Variants in PTGR2 observed in about 807,000 individuals in gnomAD.
PTGR2 encodes the protein 15-oxoprostaglandin 13-reductase.
PTGR2 carries 32 observed loss-of-function variants against 43.4 expected under a neutral mutation model. That is an observed-to-expected ratio of 0.74 (90% CI 0.56 to 0.99). The LOEUF is 0.99. Among genes scored for constraint, PTGR2 ranks in the 50% least tolerant of loss-of-function variants. The probability of loss-of-function intolerance (pLI) is 0.00; values close to 1 mark genes in which losing one functional copy is unlikely to be tolerated. For synonymous variants in PTGR2, 106 were observed against 139.2 expected (o/e 0.76, Z 1.68); for missense variants, 373 against 420.0 (o/e 0.89, Z 0.98).
chr14:73,868,390 T>C (rs1054991535), intron 3 of PTGR2, among the ~76,000 whole-genome samples: 2 of 152,194 alleles, frequency 1.3e-5, no homozygotes, highest in Non-Finnish European at 2.9e-5. Context: ...TGTCTGTCTT[T>C]TGTAACACAT....
At chr14:73,876,356 G>T (rs1254248876) in intron 4 of PTGR2, among the ~76,000 whole-genome samples, 1 of 152,044 alleles carries the variant, frequency 6.6e-6, no homozygotes, top group Admixed American at 6.6e-5. Flanking sequence ...GGAAAATTTG[G>T]TTTCTGGTGA....
At chr14:73,865,434 T>A (rs768841569) in intron 3 of PTGR2, among the ~76,000 whole-genome samples, 3 of 152,130 alleles carry the variant, frequency 2.0e-5, no homozygotes, top group African/African-American at 7.2e-5. Flanking sequence ...CCCACCCACA[T>A]TGAGGGCAGA....
intron 3 of PTGR2, among the ~76,000 whole-genome samples, chr14:73,870,479 C>G (rs2140256583): frequency 6.6e-6 from 1 of 152,182 alleles, no homozygotes; most frequent in Non-Finnish European, 1.5e-5. Flanking sequence ...CACACCAGAC[C>G]TCTTAAGCAG....
rs1247581564 is a variant in PTGR2, at chr14:73,884,521, T to C, written c.*344T>C. 3 of 154,572 alleles carry C rather than the reference T, an allele frequency of 1.9e-5. No individual in the cohort carries two copies. The highest frequency in any genetic ancestry group is 4.8e-5 in the African/African-American group (2 of 41,524). 9.6% of individuals were successfully genotyped at this position (154,572 alleles called of 1,614,324 possible). A position where few individuals can be genotyped will look rare whatever the true frequency, so the allele number is the denominator to read the frequency against. On this transcript the variant is annotated 3_prime_UTR_variant, in exon 10 of 10. Coordinates refer to ENST00000555661, the MANE Select transcript of PTGR2 (RefSeq NM_001146154.2). ...TTAAAATTAATATTAATAACTTTTA[T>C]TAATTTAAAATAGAATGCTTAAAAT...
intron 3 of PTGR2, among the ~76,000 whole-genome samples, chr14:73,871,950 T>C (rs2054744833): frequency 6.6e-6 from 1 of 152,182 alleles, no homozygotes; most frequent in Admixed American, 6.5e-5. Flanking sequence ...GAAGCAAATG[T>C]ATTCTTACAG....
intron 3 of PTGR2, chr14:73,861,079 T>G (rs2054478617): frequency 6.5e-6 from 1 of 154,312 alleles, no homozygotes; most frequent in Non-Finnish European, 1.4e-5. Context: ...TTTCTTTTTT[T>G]TAAGCGATGA....
intron 1 of PTGR2, among the ~76,000 whole-genome samples, chr14:73,854,409 C>T (rs1017598098): frequency 2.0e-5 from 3 of 152,090 alleles, no homozygotes; most frequent in Non-Finnish European, 4.4e-5. Context: ...GCCAAGTTAT[C>T]TATATTTGAA....
intron 4 of PTGR2, among the ~76,000 whole-genome samples, chr14:73,875,399 G>A (rs562326423): frequency 7.2e-5 from 11 of 151,824 alleles, no homozygotes; most frequent in Admixed American, 1.3e-4. Context: ...AGGCTGGAGC[G>A]CAGTGGCGCG....
rs917687215 is a variant in PTGR2 at position 73,884,717 on chromosome 14, G to C, written c.*540G>C. On this transcript the variant is annotated 3_prime_UTR_variant, in exon 10 of 10. Transcript: ENST00000555661. ...ATGTGTACATAGGGACTGGGGGCAG[G>C]ATTGGGGGTTTCGGAGCTTGTGTAA... The C allele has an allele frequency of 6.6e-6, 1 of 152,038 alleles. No individual in the cohort carries two copies. Among genetic ancestry groups the C allele is most frequent in the African/African-American group, 2.4e-5 (1 of 41,336 alleles). 9.4% of individuals were successfully genotyped at this position (152,038 alleles called of 1,614,324 possible).
chr14:73,857,571 G>A (rs1223428052), intron 1 of PTGR2, among the ~76,000 whole-genome samples: 15 of 149,930 alleles, frequency 1.0e-4, no homozygotes, highest in Admixed American at 7.3e-4. Flanking sequence ...CTGAGATCGC[G>A]CCACTGCACT....
At chr14:73,874,421 G>A (rs45559033) in intron 4 of PTGR2, among the ~76,000 whole-genome samples, 23,391 of 152,108 alleles carry the variant, frequency 0.15, 2,363 homozygotes, top group East Asian at 0.49. Flanking sequence ...TTTGATAATT[G>A]AGCCTGCTAA....
chr14:73,867,332 C>CTT (rs1222132832), intron 3 of PTGR2, among the ~76,000 whole-genome samples: 1 of 151,928 alleles, frequency 6.6e-6, no homozygotes, highest in Non-Finnish European at 1.5e-5. Context: ...CTTAGCCTCT[C>CTT]TAACTGCATG....
chr14:73,864,230 T>C (rs1274590599), intron 3 of PTGR2, among the ~76,000 whole-genome samples: 3 of 152,264 alleles, frequency 2.0e-5, no homozygotes, highest in Non-Finnish European at 4.4e-5. Flanking sequence ...ACTTGGCTAT[T>C]AGCAATACTT....
At chr14:73,866,007 C>CTT (rs559326874) in intron 3 of PTGR2, among the ~76,000 whole-genome samples, 1 of 143,706 alleles carries the variant, frequency 7.0e-6, no homozygotes, top group Admixed American at 7.0e-5. Context: ...ATCTGTTTTT[C>CTT]TTTTTTTTTT....
At chr14:73,876,666 G>A (rs1367704818) in intron 4 of PTGR2, among the ~76,000 whole-genome samples, 2 of 151,782 alleles carry the variant, frequency 1.3e-5, no homozygotes, top group Admixed American at 6.6e-5. Context: ...TAGTAGAGAT[G>A]GGGTTTCGCC....
Position 73,858,867 on chromosome 14 carries a change from T to C in PTGR2, c.5T>C (p.Ile2Thr), listed in dbSNP as rs754626153. The change falls in exon 2 of 10, where the codon ATT (isoleucine) becomes ACT (threonine). Residue 2 changes from isoleucine (I) to threonine (T), a missense_variant. Ile to Thr is a moderately conservative substitution (Grantham distance 89). Transcript: ENST00000555661. ...AACCACTGCCCAACCAGAGCAATGA[T>C]TGTTCAAAGAGTGGTATTGAATTCT... M[I>T]VQRVVLNSRP... The C allele has an allele frequency of 2.5e-6, 4 of 1,611,274 alleles. No homozygotes were observed. The South Asian group carries it at 4.4e-5, about 18-fold the overall frequency.
At chr14:73,878,945 T>C (rs567014426) in intron 5 of PTGR2, 151 bp from the exon 6 acceptor site, 14 of 627,638 alleles carry the variant, frequency 2.2e-5, no homozygotes, top group Admixed American at 1.7e-4. Context: ...TCAGTTCTTT[T>C]AGTTTCAAAT....
intron 3 of PTGR2, among the ~76,000 whole-genome samples, chr14:73,865,919 C>A (rs1321678763): frequency 6.6e-6 from 1 of 152,124 alleles, no homozygotes; most frequent in Non-Finnish European, 1.5e-5. Context: ...ATCTGTATAT[C>A]TGTCATGCTA....
At position 73,852,272 on chromosome 14, in the gene PTGR2, G is replaced by T. The variant is rs201143669; in HGVS notation, c.-48+329G>T. 1.8e-4 allele frequency among the ~76,000 whole-genome samples: 27 copies of T among 151,934 alleles called. No homozygotes were observed. The East Asian group carries it at 2.5e-3, about 14-fold the overall frequency. On this transcript the variant is annotated intron_variant, in intron 1 of 9. Coordinates refer to ENST00000555661, the MANE Select transcript of PTGR2 (RefSeq NM_001146154.2). Reference sequence around the variant, plus strand: ...GGGGATTGGACTCACATTTTTTTGTGTGTGTGACGGAGTCTCGCTCTGTCT... The same window carrying T: ...GGGGATTGGACTCACATTTTTTTGTTTGTGTGACGGAGTCTCGCTCTGTCT...
Sources: allele counts gnomAD v4.1 joint callset (sites outside exome capture counted in the v4.1 genomes callset), GRCh38; gene constraint gnomAD v4.1.1; transcripts MANE v1.5; gene names NCBI Gene and HGNC (gene_info 2026-07-23, HGNC 2026-07-21).